Variants in NAV1 observed in about 807,000 individuals in gnomAD.
NAV1 encodes the protein pore membrane and/or filament interacting like protein 3.
NAV1 carries 18 observed loss-of-function variants against 175.2 expected under a neutral mutation model. That is an observed-to-expected ratio of 0.10 (90% CI 0.07 to 0.15). The LOEUF is 0.15. Ranked by LOEUF, NAV1 falls within the 10% of genes least tolerant of loss-of-function variation. The probability of loss-of-function intolerance (pLI) is 1.00; values close to 1 mark genes in which losing one functional copy is unlikely to be tolerated. For missense variants in NAV1, 1,731 were observed against 2,436.6 expected (o/e 0.71, Z 6.10); for synonymous variants, 897 against 978.7 (o/e 0.92, Z 1.56).
rs183318652 is a variant in NAV1, at chr1:201,555,765, G to A, written c.-144+16423G>A. On this transcript the variant is annotated intron_variant, in intron 1 of 33. Transcript: ENST00000685211. ...GCGGCCTAATGGAGGCAGGAAAAAG[G>A]TGTTTCCGAAAGAGAGGCCAGAAAA... 2.1e-3 allele frequency among the ~76,000 whole-genome samples: 313 copies of A among 151,202 alleles called. 2 individuals are homozygous for A. The highest frequency in any genetic ancestry group is 7.0e-3 in the African/African-American group (290 of 41,224).
chr1:201,593,651 A>C (rs1353924242), intron 2 of NAV1, among the ~76,000 whole-genome samples: 1 of 152,218 alleles, frequency 6.6e-6, no homozygotes, highest in Non-Finnish European at 1.5e-5. Flanking sequence ...CGATATGTGC[A>C]GTCATTTGTA....
Position 201,782,397 on chromosome 1 carries a change from A to G in NAV1, c.1885A>G (p.Ser629Gly), listed in dbSNP as rs975635291. The G allele has an allele frequency of 3.1e-6, 5 of 1,614,176 alleles. No individual in the cohort carries two copies. The highest frequency in any genetic ancestry group is 4.2e-6 in the Non-Finnish European group (5 of 1,180,016). ...GCAAACTGGTGGTTCAGCCACTCTC[A>G]GCAAGATCCAGAAGTCCTCAGGCAT... Residue 629 changes from serine (S) to glycine (G), a missense_variant, in exon 6 of 30, where the codon AGC becomes GGC. Around this residue, in one of 13 missense-constraint regions of NAV1, gnomAD observed 634 missense variants for 766.8 expected, o/e 0.83. Transcript: ENST00000367296. The surrounding 1 kb of genome is among the most constrained non-coding windows in gnomAD (Gnocchi z 5.4).
chr1:201,791,177 A>T (rs184374058), intron 13 of NAV1: 1 of 184,774 alleles, frequency 5.4e-6, no homozygotes, highest in African/African-American at 2.3e-5. Flanking sequence ...GTCTTTGTTC[A>T]TGCCACGTAA....
chr1:201,782,929 C>T lies in NAV1; in HGVS notation c.2357+60C>T. 1 of 1,441,114 alleles carries T rather than the reference C, an allele frequency of 6.9e-7. No individual in the cohort carries two copies. The highest frequency in any genetic ancestry group is 2.3e-4 in the Middle Eastern group (1 of 4,272). The allele number at this position is 1,441,114 out of a possible 1,614,324, so 89.3% of individuals were successfully genotyped here. ...TGCTTTGTCATTCTTTCGCATATCTCTGCCCTCCTTGGACTAGATGAGGCA... is the reference window on the plus strand; with the variant it reads ...TGCTTTGTCATTCTTTCGCATATCTTTGCCCTCCTTGGACTAGATGAGGCA... On this transcript the variant is annotated intron_variant, in intron 6 of 29. Coordinates refer to ENST00000367296, the Ensembl canonical transcript of NAV1. This position sits in a 1 kb window ranked among gnomAD's most constrained non-coding sequence, Gnocchi z 5.4.
chr1:201,784,470 T>TTCTTTTATATCACATCCTAG (rs1676561904), intron 7 of NAV1, among the ~76,000 whole-genome samples: 1 of 152,098 alleles, frequency 6.6e-6, no homozygotes, highest in Non-Finnish European at 1.5e-5. Context: ...CCAGAATCTT[T>TTCTTTTATATCACATCCTAG]TCTTTTATAT....
In NAV1 at chr1:201,804,481, T is replaced by G; in HGVS notation, c.3640-8T>G. ...AAATGCTGACTCCAAATCCCTATTT[T>G]TTTCCAGGTCTATGAGGTAAGAGAC... On this transcript the variant is annotated splice_region_variant and splice_polypyrimidine_tract_variant and intron_variant, in intron 16 of 29. Transcript: ENST00000367296. The G allele has an allele frequency of 6.5e-7, 1 of 1,547,674 alleles. No individual in the cohort carries two copies.
chr1:201,697,046 T>C (rs1671222150), intron 1 of NAV1, among the ~76,000 whole-genome samples: 2 of 152,220 alleles, frequency 1.3e-5, no homozygotes, highest in Non-Finnish European at 2.9e-5. Flanking sequence ...TCTTATTAAG[T>C]CTCACTGTAG....
At chr1:201,696,284 T>C (rs897638434) in intron 1 of NAV1, among the ~76,000 whole-genome samples, 1 of 152,206 alleles carries the variant, frequency 6.6e-6, no homozygotes, top group Non-Finnish European at 1.5e-5. Flanking sequence ...GCTCCTGCAT[T>C]GGAATCGGGC....
At position 201,782,660 on chromosome 1, in the gene NAV1, G is replaced by A; in HGVS notation, c.2148G>A (p.Lys716=). The A allele has an allele frequency of 1.9e-6, 3 of 1,614,124 alleles. No homozygotes were observed. The African/African-American group carries it at 4.0e-5, about 22-fold the overall frequency. ...GAGGCCTTACGCCTTCCAGACTGAA[G>A]GAGCCTACCAAGGTAGCCAGTGGGC... Residue 716 remains lysine (K), a synonymous_variant, in exon 6 of 30, where the codon AAG becomes AAA. Transcript: ENST00000367296. The surrounding 1 kb of genome is among the most constrained non-coding windows in gnomAD (Gnocchi z 5.4).
chr1:201,794,674 T>G (rs1677327782), intron 15 of NAV1, 97 bp downstream of exon 19: 1 of 1,107,206 alleles, frequency 9.0e-7, no homozygotes, highest in Non-Finnish European at 1.4e-6. Context: ...AAGTCCTATA[T>G]CAAGTCTCTA....
At chr1:201,550,886 G>T (rs1049034011) in intron 1 of NAV1, among the ~76,000 whole-genome samples, 1 of 152,204 alleles carries the variant, frequency 6.6e-6, no homozygotes, top group South Asian at 2.1e-4. Context: ...GAGGATGGAG[G>T]TTGGCTTGAC....
At chr1:201,692,544 T>G (rs1670995955) in intron 1 of NAV1, among the ~76,000 whole-genome samples, 1 of 152,226 alleles carries the variant, frequency 6.6e-6, no homozygotes, top group South Asian at 2.1e-4. Context: ...TAGAGTGAGT[T>G]CCTGGTCTCC....
chr1:201,661,382 C>G (rs1436114891), intron 1 of NAV1, among the ~76,000 whole-genome samples: 3 of 152,172 alleles, frequency 2.0e-5, no homozygotes, highest in African/African-American at 7.2e-5. Context: ...GGTTAGGATA[C>G]AGTATCGTGG....
At position 201,808,354 on chromosome 1, in the gene NAV1, CAAT is replaced by C; in HGVS notation, c.3846-62_3846-60del. The C allele has an allele frequency of 6.5e-7, 1 of 1,534,248 alleles. No individual in the cohort carries two copies. The highest frequency in any genetic ancestry group is 8.8e-7 in the Non-Finnish European group (1 of 1,137,988). The stretch of plus-strand genomic sequence containing the variant: ...AGCCAAGACCACCAACCATGCCTCT[CAAT>C]ATTCTCTAGTAACTCTAGTGCTTCT... On this transcript the variant is annotated intron_variant, in intron 18 of 29. Transcript: ENST00000367296. This position sits in a 1 kb window ranked among gnomAD's most constrained non-coding sequence, Gnocchi z 5.5.
intron 2 of NAV1, among the ~76,000 whole-genome samples, chr1:201,717,404 A>C (rs1213541467): frequency 1.3e-5 from 2 of 152,186 alleles, no homozygotes; most frequent in African/African-American, 4.8e-5. Context: ...GGCTGGCCCC[A>C]CTGCTAGGCT....
chr1:201,716,004 T>C (rs1558092169), intron 2 of NAV1, among the ~76,000 whole-genome samples: 1 of 151,780 alleles, frequency 6.6e-6, no homozygotes, highest in East Asian at 1.9e-4. Flanking sequence ...AGAGATGTGT[T>C]TGGGGGAACT....
At chr1:201,615,505 C>T (rs1667979136) in intron 2 of NAV1, among the ~76,000 whole-genome samples, 1 of 152,112 alleles carries the variant, frequency 6.6e-6, no homozygotes. Flanking sequence ...CCTCGTGATC[C>T]ACCCACCTTG....
chr1:201,541,667 G>A (rs1270492187), intron 1 of NAV1, among the ~76,000 whole-genome samples: 4 of 152,172 alleles, frequency 2.6e-5, no homozygotes, highest in African/African-American at 7.2e-5. Context: ...CCAGCTACTC[G>A]TGAGGCTGAG....
At chr1:201,651,684 A>T (rs1033177233) in intron 1 of NAV1, among the ~76,000 whole-genome samples, 2 of 152,058 alleles carry the variant, frequency 1.3e-5, no homozygotes, top group African/African-American at 4.8e-5. Context: ...GACCTGATTG[A>T]GAGAGGAAGA....
Sources: gnomAD v4.1 joint callset for allele counts (sites outside exome capture counted in the v4.1 genomes callset) on GRCh38, gnomAD v4.1.1 for gene constraint, gnomAD v4.1.1 regional missense constraint, Gnocchi (gnomAD v3.1) non-coding constraint, MANE v1.5 for transcripts, NCBI Gene and HGNC (gene_info 2026-07-23, HGNC 2026-07-21) for gene names.